MUC17: variants seen among roughly 807,000 people sequenced by gnomAD.
MUC17 encodes mucin-17.
In MUC17, 190 loss-of-function variants were observed where a neutral mutation model predicts 170.3. The observed-to-expected ratio is 1.12, with a 90% confidence interval of 0.99 to 1.26. The LOEUF (loss-of-function observed/expected upper bound fraction) is 1.26, where lower values mean the gene tolerates loss of function less well. MUC17 is among the 50% of genes most tolerant of loss of function. MUC17 has a pLI of 0.00. For synonymous variants in MUC17, 2,325 were observed against 2,002.5 expected (o/e 1.16, Z -4.30); for missense variants, 6,415 against 5,530.0 (o/e 1.16, Z -5.08).
In MUC17 at chr7:101,030,954, G is replaced by C. The variant is rs140615315; in HGVS notation, c.83-166G>C. ...AGCAAATCCCCTGTACCATCTTCTT[G>C]CTTTACTTTCTGGGGCAGGGTCCTG... On this transcript the variant is annotated intron_variant, in intron 1 of 12. Coordinates refer to ENST00000306151, the MANE Select transcript of MUC17 (RefSeq NM_001040105.2). Among the ~76,000 whole-genome samples, 617 of 152,278 alleles carry C rather than the reference G, an allele frequency of 4.1e-3. 5 individuals carry two copies. Among genetic ancestry groups the C allele is most frequent in the African/African-American group, 0.014 (600 of 41,566 alleles).
rs1794435216 is a variant in MUC17 at position 101,035,363 on chromosome 7, G to A, written c.3947G>A (p.Ser1316Asn). The A allele has an allele frequency of 1.2e-6, 2 of 1,610,778 alleles. No homozygotes were observed. Among genetic ancestry groups the A allele is most frequent in the Non-Finnish European group, 1.7e-6 (2 of 1,178,204 alleles). Reference sequence around the variant, plus strand: ...CCTGTGGTCACTTCTAATGAAGTCAGTTCATCTCCTACACCTGCTGAAGGT... The same window carrying A: ...CCTGTGGTCACTTCTAATGAAGTCAATTCATCTCCTACACCTGCTGAAGGT... ...KGPVVTSNEVSSSPTPAEGTS... is the reference protein window; with the variant it reads ...KGPVVTSNEVNSSPTPAEGTS... Residue 1316 changes from serine to asparagine, a missense_variant, in exon 3 of 13, where the codon AGT becomes AAT. Physicochemically the swap from Ser to Asn is conservative, Grantham distance 46 (BLOSUM62 1). Coordinates refer to ENST00000306151, the MANE Select transcript of MUC17 (RefSeq NM_001040105.2).
In MUC17 at chr7:101,033,931, A is replaced by T; in HGVS notation, c.2515A>T (p.Thr839Ser). Residue 839 changes from threonine (T) to serine (S), a missense_variant, in exon 3 of 13, where the codon ACT becomes TCT. Physicochemically the swap from Thr to Ser is moderately conservative, Grantham distance 58. Transcript: ENST00000306151. ...TGTTGACTCCAACAGTCCTGTGACC[A>T]CTTCTACTGAAGTCAGTTCATCTCC... ...TPVDSNSPVT[T>S]STEVSSSPTP... The T allele has an allele frequency of 6.2e-7, 1 of 1,613,808 alleles. No homozygotes were observed. The highest frequency in any genetic ancestry group is 8.5e-7 in the Non-Finnish European group (1 of 1,179,854).
chr7:101,052,319 A>G (rs1408603719), intron 9 of MUC17, among the ~76,000 whole-genome samples: 1 of 152,200 alleles, frequency 6.6e-6, no homozygotes, highest in African/African-American at 2.4e-5. Context: ...AGAAGGTTAC[A>G]CACCCATATG....
rs1306780601 is a variant in MUC17 at position 101,020,173 on chromosome 7, C to A, written c.38C>A (p.Thr13Asn). Residue 13 changes from threonine (T) to asparagine (N), a missense_variant, in exon 1 of 13, where the codon ACC becomes AAC. Thr to Asn is a moderately conservative substitution (Grantham distance 65, BLOSUM62 0). Transcript: ENST00000306151. ...GGGACCATGGCGCTGTGTCTGCTGA[C>A]CTTGGTCCTCTCGCTCTTGCCCCCA... ...RPGTMALCLL[T>N]LVLSLLPPQA... 3 of 1,609,358 alleles carry A rather than the reference C, an allele frequency of 1.9e-6. No homozygotes were observed. The highest frequency in any genetic ancestry group is 2.2e-5 in the South Asian group (2 of 89,900).
At chr7:101,056,309 C>A in intron 12 of MUC17, 39 bp downstream of exon 12, 1 of 1,609,908 alleles carries the variant, frequency 6.2e-7, no homozygotes, top group Non-Finnish European at 8.5e-7. Context: ...CTCCCCCAAC[C>A]CTGCGACTTT....
chr7:101,033,238 A>T lies in MUC17; in HGVS notation c.1822A>T (p.Ser608Cys). The change falls in exon 3 of 13, where the codon AGT (serine) becomes TGT (cysteine). Residue 608 changes from serine to cysteine, a missense_variant. Coordinates refer to ENST00000306151, the MANE Select transcript of MUC17 (RefSeq NM_001040105.2). ...NTFVTTSSEA[S>C]SSSTTAEGTS... ...TTTTGTGACCACTTCTAGTGAAGCTAGTTCATCTTCTACAACTGCTGAAGG... is the reference window on the plus strand; with the variant it reads ...TTTTGTGACCACTTCTAGTGAAGCTTGTTCATCTTCTACAACTGCTGAAGG... 1 of 1,614,090 alleles carries T rather than the reference A, an allele frequency of 6.2e-7. No homozygotes were observed.
At chr7:101,049,027 C>A in intron 5 of MUC17, 55 bp downstream of exon 5, 1 of 1,611,714 alleles carries the variant, frequency 6.2e-7, no homozygotes, top group South Asian at 1.1e-5. Flanking sequence ...AGAGCAGAGT[C>A]TGTAGGGTAA....
intron 1 of MUC17, among the ~76,000 whole-genome samples, chr7:101,028,293 A>G (rs1316046916): frequency 3.4e-5 from 5 of 146,342 alleles, no homozygotes; most frequent in African/African-American, 1.3e-4. Flanking sequence ...GTTTCACTAT[A>G]TTTGCCAGGC....
rs138649661 is a variant in MUC17 at position 101,042,756 on chromosome 7, C to T, written c.11340C>T (p.Tyr3780=). ...ESSTPSIPSV[Y]TSMSMTTASE... ...GCACCCCTTCCATACCATCTGTTTA[C>T]ACCAGCATGTCTATGACCACTGCCT... is the stretch of plus-strand genomic sequence containing the variant. The change falls in exon 3 of 13, where the codon TAC becomes TAT. Residue 3780 remains tyrosine, a synonymous_variant. Coordinates refer to ENST00000306151, the MANE Select transcript of MUC17 (RefSeq NM_001040105.2). The T allele has an allele frequency of 7.9e-4, 1,267 of 1,613,954 alleles. 1 individual carries two copies. Among genetic ancestry groups the T allele is most frequent in the Non-Finnish European group, 1.0e-3 (1,186 of 1,180,042 alleles).
In MUC17 at chr7:101,042,664, G is replaced by GAAATA; in HGVS notation, c.11250_11254dup (p.Ser3752LysfsTer2). ...CACCATGTCTGTGTCAATGCCCATG[G>GAAATA]AAATAAGCACCCTTGGGACCACTAT... On this transcript the variant is annotated frameshift_variant, in exon 3 of 13. Coordinates refer to ENST00000306151, the MANE Select transcript of MUC17 (RefSeq NM_001040105.2). LOFTEE classifies it high-confidence loss of function. 1 of 1,613,940 alleles carries GAAATA rather than the reference G, an allele frequency of 6.2e-7. No homozygotes were observed. The highest frequency in any genetic ancestry group is 8.5e-7 in the Non-Finnish European group (1 of 1,180,014).
rs1562810123 is a variant in MUC17 at position 101,036,564 on chromosome 7, C to T, written c.5148C>T (p.Asp1716=). ...AISTLSTTPV[D]NSTPVTTSTE... ...GCACCCTTTCAACAACTCCCGTTGA[C>T]AACAGCACACCTGTGACCACTTCTA... Residue 1716 remains aspartate, a synonymous_variant, in exon 3 of 13, where the codon GAC becomes GAT. Coordinates refer to ENST00000306151, the MANE Select transcript of MUC17 (RefSeq NM_001040105.2). 6.2e-7 allele frequency: 1 copy of T among 1,611,662 alleles called. No individual in the cohort carries two copies. Among genetic ancestry groups the T allele is most frequent in the South Asian group, 1.1e-5 (1 of 90,804 alleles).
At chr7:101,020,690 T>C (rs1389684814) in intron 1 of MUC17, among the ~76,000 whole-genome samples, 1 of 152,118 alleles carries the variant, frequency 6.6e-6, no homozygotes, top group Admixed American at 6.6e-5. Context: ...CATAGCCACA[T>C]GGGCACAAAA....
At chr7:101,029,003 C>T (rs1274336843) in intron 1 of MUC17, among the ~76,000 whole-genome samples, 1 of 151,980 alleles carries the variant, frequency 6.6e-6, no homozygotes. Context: ...GCCTGACCAA[C>T]GTGGAGAAAC....
rs1303586741 is a variant in MUC17 at position 101,040,563 on chromosome 7, A to C, written c.9147A>C (p.Thr3049=). 1 of 1,612,212 alleles carries C rather than the reference A, an allele frequency of 6.2e-7. No homozygotes were observed. Among genetic ancestry groups the C allele is most frequent in the Non-Finnish European group, 8.5e-7 (1 of 1,179,496 alleles). ...CTAGTGAAGGAAGTACTCCATTAACAAGTATACCTGTCAGCACCACGCCAG... is the reference window on the plus strand; with the variant it reads ...CTAGTGAAGGAAGTACTCCATTAACCAGTATACCTGTCAGCACCACGCCAG... ...STPSEGSTPL[T]SIPVSTTPVA... The change falls in exon 3 of 13, where the codon ACA becomes ACC. Residue 3049 remains threonine, a synonymous_variant. Transcript: ENST00000306151.
intron 1 of MUC17, among the ~76,000 whole-genome samples, chr7:101,022,163 ATTTT>A (rs1247384498): frequency 8.9e-6 from 1 of 112,982 alleles, no homozygotes; most frequent in Admixed American, 9.5e-5. Context: ...CTCCCGAGAG[ATTTT>A]TTTTTTTTTT....
intron 3 of MUC17, among the ~76,000 whole-genome samples, chr7:101,045,915 C>A (rs1351080324): frequency 1.3e-5 from 2 of 152,208 alleles, no homozygotes; most frequent in African/African-American, 4.8e-5. Flanking sequence ...GCAGATTGTC[C>A]TCCTTCTGTC....
Position 101,035,666 on chromosome 7 carries a change from C to T in MUC17, c.4250C>T (p.Ser1417Leu). Residue 1417 changes from serine (S) to leucine (L), a missense_variant, in exon 3 of 13, where the codon TCA (serine) becomes TTA (leucine). By Grantham distance (145) the Ser-to-Leu change is moderately radical. Coordinates refer to ENST00000306151, the MANE Select transcript of MUC17 (RefSeq NM_001040105.2). ...PVVSSEASTL[S>L]ATPVDTSTPG... ...GTCAGTTCTGAGGCTAGCACCCTTT[C>T]AGCAACTCCTGTTGACACCAGCACC... is the stretch of plus-strand genomic sequence containing the variant. The T allele has an allele frequency of 1.2e-6, 2 of 1,608,846 alleles. No homozygotes were observed. The highest frequency in any genetic ancestry group is 1.7e-6 in the Non-Finnish European group (2 of 1,176,940).
chr7:101,043,247 C>T lies in MUC17; in HGVS notation c.11831C>T (p.Thr3944Ile), dbSNP rs748724323. ...GGGACAACCATTTTTATTCCCAGCA[C>T]TCCTGTCACCAGTTCTACTGCTGAT... is the stretch of plus-strand genomic sequence containing the variant. ...TPGTTIFIPSTPVTSSTADVF... is the reference protein window; with the variant it reads ...TPGTTIFIPSIPVTSSTADVF... The change falls in exon 3 of 13, where the codon ACT becomes ATT. Residue 3944 changes from threonine to isoleucine, a missense_variant. By Grantham distance (89) the Thr-to-Ile change is moderately conservative (BLOSUM62 -1). Coordinates refer to ENST00000306151, the MANE Select transcript of MUC17 (RefSeq NM_001040105.2). The T allele has an allele frequency of 1.2e-6, 2 of 1,614,192 alleles. No homozygotes were observed. Among genetic ancestry groups the T allele is most frequent in the South Asian group, 2.2e-5 (2 of 91,086 alleles).
At chr7:101,057,606 A>G (rs1795070269) in intron 12 of MUC17, among the ~76,000 whole-genome samples, 1 of 152,212 alleles carries the variant, frequency 6.6e-6, no homozygotes, top group Non-Finnish European at 1.5e-5. Context: ...ATAGCCAGGT[A>G]CAGTGGCTCA....
Sources: gnomAD v4.1 joint callset for allele counts (sites outside exome capture counted in the v4.1 genomes callset) on GRCh38, gnomAD v4.1.1 for gene constraint, MANE v1.5 for transcripts, NCBI Gene and HGNC (gene_info 2026-07-23, HGNC 2026-07-21) for gene names.